The following ODAD3 variants were observed in gnomAD, a reference collection of about 807,000 sequenced individuals.
The protein encoded by ODAD3 is outer dynein arm-docking complex subunit 3.
A neutral mutation model predicts 70.9 loss-of-function variants in ODAD3; 57 were observed. The observed-to-expected ratio is 0.80, with a 90% CI of 0.65 to 1.00. ODAD3 has a LOEUF of 1.00. Ranked by LOEUF, ODAD3 falls within the 50% of genes least tolerant of loss-of-function variation. The probability of loss-of-function intolerance (pLI) is 0.00; values close to 1 mark genes in which losing one functional copy is unlikely to be tolerated. For missense variants in ODAD3, 797 were observed against 763.9 expected, an observed-to-expected ratio of 1.04 and a Z score of -0.51; for synonymous variants, 327 against 315.9, an observed-to-expected ratio of 1.04 and a Z score of -0.37.
intron 7 of ODAD3, among the ~76,000 whole-genome samples, chr19:11,424,517 A>ACC (rs1488709532): frequency 0.013 from 1,827 of 138,470 alleles, 96 homozygotes; most frequent in African/African-American, 0.054. Context: ...ATATATGTAT[A>ACC]TATATGTATA....
chr19:11,430,732 C>A lies in ODAD3; in HGVS notation c.411G>T (p.Trp137Cys). The A allele has an allele frequency of 6.2e-7, 1 of 1,613,994 alleles. No homozygotes were observed. The highest frequency in any genetic ancestry group is 8.5e-7 in the Non-Finnish European group (1 of 1,179,976). ...VVQAVIREWKWEKPYLKNRTG... is the reference protein window; with the variant it reads ...VVQAVIREWKCEKPYLKNRTG... The stretch of plus-strand genomic sequence containing the variant: ...TCCTGTTCTTCAGGTATGGCTTCTC[C>A]CACTTCCATTCGCGAATCACTGCCT... The change falls in exon 3 of 13, where the codon TGG becomes TGT. Residue 137 changes from tryptophan (W) to cysteine (C), a missense_variant. Physicochemically the swap from Trp to Cys is radical, Grantham distance 215. Transcript: ENST00000356392.
upstream of ODAD3, chr19:11,435,713 G>A (rs1463006210): frequency 7.5e-7 from 1 of 1,325,028 alleles, no homozygotes; most frequent in Non-Finnish European, 9.9e-7. Flanking sequence ...TCGTGTAGGT[G>A]TGAACGAGCG....
upstream of ODAD3, chr19:11,435,398 A>G: frequency 2.5e-6 from 1 of 402,206 alleles, no homozygotes; most frequent in Non-Finnish European, 4.5e-6. Context: ...GGCATTTTTC[A>G]GGAACTTTCT....
At position 11,421,174 on chromosome 19, in the gene ODAD3, G is replaced by A. The variant is rs1185719332; in HGVS notation, c.1629C>T (p.Asn543=). The change falls in exon 12 of 13, where the codon AAC becomes AAT. Residue 543 remains asparagine (N), a synonymous_variant. Coordinates refer to ENST00000356392, the MANE Select transcript of ODAD3 (RefSeq NM_145045.5). ...TGGCAAGGGGCAGGGCGATGCGGGT[G>A]TTGTATTCGGGCAGCCTTCCCTCTA... The part of the protein sequence containing the change: ...ASLEGRLPEY[N]TRIALPLATS... The A allele has an allele frequency of 5.6e-6, 9 of 1,613,718 alleles. No homozygotes were observed. Among genetic ancestry groups the A allele is most frequent in the Non-Finnish European group, 6.8e-6 (8 of 1,179,946 alleles).
At position 11,422,708 on chromosome 19, in the gene ODAD3, G is replaced by A. The variant is rs1490091238; in HGVS notation, c.1270C>T (p.Leu424=). Residue 424 remains leucine (L), a synonymous_variant, in exon 9 of 13, where the codon CTG becomes TTG. Coordinates refer to ENST00000356392, the MANE Select transcript of ODAD3 (RefSeq NM_145045.5). This position sits in a 1 kb window ranked among gnomAD's most constrained non-coding sequence, Gnocchi z 4.6. ...AGAGCCCCGGTGCCTCACCTCACCA[G>A]CGTGGCCTCCCCCGAGTACTTGAGG... ...EDLKYSGEAT[L]VSQQKLQAEA... 2 of 1,612,296 alleles carry A rather than the reference G, an allele frequency of 1.2e-6. No individual in the cohort carries two copies. The highest frequency in any genetic ancestry group is 1.7e-6 in the Non-Finnish European group (2 of 1,179,844).
chr19:11,435,334 G>T, upstream of ODAD3: 1 of 614,702 alleles, frequency 1.6e-6, no homozygotes, highest in Non-Finnish European at 2.6e-6. Context: ...GGGGTCACGT[G>T]CTCATTCCGT....
rs1391033910 is a variant in ODAD3, at chr19:11,430,887, T to G, written c.366+12A>C. On this transcript the variant is annotated intron_variant, in intron 2 of 12. Coordinates refer to ENST00000356392, the MANE Select transcript of ODAD3 (RefSeq NM_145045.5). Reference sequence around the variant, plus strand: ...GCCACGGGAACCCTACACCCACCCCTTTGCCCCTTACCTTGAGCAGGTCCA... The same window carrying G: ...GCCACGGGAACCCTACACCCACCCCGTTGCCCCTTACCTTGAGCAGGTCCA... 6.2e-7 allele frequency: 1 copy of G among 1,614,006 alleles called. No homozygotes were observed. Among genetic ancestry groups the G allele is most frequent in the African/African-American group, 1.3e-5 (1 of 75,020 alleles).
chr19:11,425,513 A>ATG (rs2144768013), intron 7 of ODAD3, among the ~76,000 whole-genome samples: 2 of 137,094 alleles, frequency 1.5e-5, no homozygotes, highest in African/African-American at 5.9e-5. Flanking sequence ...ATATGTGTGT[A>ATG]TATATGTATA....
At chr19:11,434,592 G>T in intron 1 of ODAD3, 181 bp downstream of exon 1, 1 of 643,692 alleles carries the variant, frequency 1.6e-6, no homozygotes, top group Non-Finnish European at 2.6e-6. Flanking sequence ...GTACAGTTCA[G>T]TCGGTTCTGA....
chr19:11,428,703 C>T (rs1290672236), intron 3 of ODAD3, among the ~76,000 whole-genome samples: 1 of 152,008 alleles, frequency 6.6e-6, no homozygotes. Context: ...CCTGTGCCAC[C>T]ACATTTGGCA....
rs759657067 is a variant in ODAD3 at position 11,430,940 on chromosome 19, C to G, written c.325G>C (p.Glu109Gln). The G allele has an allele frequency of 1.9e-6, 3 of 1,614,074 alleles. No individual in the cohort carries two copies. Among genetic ancestry groups the G allele is most frequent in the Non-Finnish European group, 2.5e-6 (3 of 1,180,032 alleles). The change falls in exon 2 of 13, where the codon GAG (glutamate) becomes CAG (glutamine). Residue 109 changes from glutamate (E) to glutamine (Q), a missense_variant. Physicochemically the swap from Glu to Gln is conservative, Grantham distance 29. Coordinates refer to ENST00000356392, the MANE Select transcript of ODAD3 (RefSeq NM_145045.5). ...NQETISQLRK[E>Q]TKALELKLLD... The stretch of plus-strand genomic sequence containing the variant: ...AGCTTTAGTTCCAGTGCCTTAGTCT[C>G]CTTGCGGAGCTGACTGATGGTCTCC...
chr19:11,424,997 G>GCA (rs1235585960), intron 7 of ODAD3, among the ~76,000 whole-genome samples: 2 of 124,618 alleles, frequency 1.6e-5, no homozygotes, highest in Non-Finnish European at 3.2e-5. Flanking sequence ...GTACATATGT[G>GCA]TATATGTATA....
At chr19:11,423,096 C>G (rs1475177880) in intron 8 of ODAD3, among the ~76,000 whole-genome samples, 1 of 152,256 alleles carries the variant, frequency 6.6e-6, no homozygotes, top group East Asian at 1.9e-4. Flanking sequence ...GAATTTGAGT[C>G]AGCCCAAACT....
chr19:11,435,489 C>CT (rs1568357628), upstream of ODAD3: 3 of 390,064 alleles, frequency 7.7e-6, no homozygotes, highest in East Asian at 7.2e-5. Context: ...ACTATCCTCT[C>CT]TAAGGTTTCA....
At position 11,426,769 on chromosome 19, in the gene ODAD3, C is replaced by A. The variant is rs762846045; in HGVS notation, c.628G>T (p.Glu210Ter). 1 of 1,614,000 alleles carries A rather than the reference C, an allele frequency of 6.2e-7. No homozygotes were observed. Among genetic ancestry groups the A allele is most frequent in the East Asian group, 2.2e-5 (1 of 44,878 alleles). ...TEVAKTMRNL[E>*]NRLEKAQMKA... ...ATCTGGGCCTTCTCCAGGCGGTTCT[C>A]CAGGTTCCGCATGGTCTGGAGAGCA... The change falls in exon 5 of 13, where the codon GAG becomes TAG. Residue 210 changes from glutamate to a stop codon, truncating the protein, a stop_gained. Transcript: ENST00000356392. LOFTEE classifies it high-confidence loss of function.
At chr19:11,426,347 C>A in intron 6 of ODAD3, 81 bp from the exon 7 acceptor site, 1 of 1,605,540 alleles carries the variant, frequency 6.2e-7, no homozygotes. Flanking sequence ...TAGATGGGGG[C>A]GGGGGCGTAG....
rs2144757756 is a variant in ODAD3, at chr19:11,423,841, G to GA, written c.1116+35_1116+36insT. On this transcript the variant is annotated intron_variant, in intron 8 of 12. Coordinates refer to ENST00000356392, the MANE Select transcript of ODAD3 (RefSeq NM_145045.5). ...CCCTGGGGCCCGTCTGGGGTGGGGG[G>GA]GGGGCGCGGCGGAGAGGGCTGCGGG... The GA allele has an allele frequency of 9.6e-6, 12 of 1,252,910 alleles. No homozygotes were observed. In the East Asian group the frequency reaches 3.3e-4, roughly 34 times the overall value. The allele number at this position is 1,252,910 out of a possible 1,614,324, so 77.6% of individuals were successfully genotyped here.
In ODAD3 at chr19:11,426,473, C is replaced by T. The variant is rs1969377358; in HGVS notation, c.813G>A (p.Glu271=). 5 of 1,613,946 alleles carry T rather than the reference C, an allele frequency of 3.1e-6. No homozygotes were observed. The highest frequency in any genetic ancestry group is 2.2e-5 in the East Asian group (1 of 44,882). Residue 271 remains glutamate (E), a synonymous_variant, in exon 6 of 13, where the codon GAG becomes GAA. Coordinates refer to ENST00000356392, the MANE Select transcript of ODAD3 (RefSeq NM_145045.5). ...TGGCAATGTCCCGGGCATTGAGGGCCTCTTGGTTCACCACGTGCAGTGCCT... is the reference window on the plus strand; with the variant it reads ...TGGCAATGTCCCGGGCATTGAGGGCTTCTTGGTTCACCACGTGCAGTGCCT... The part of the protein sequence containing the change: ...ELEALHVVNQ[E]ALNARDIAKN...
chr19:11,421,297 T>C, intron 11 of ODAD3, 85 bp from the exon 12 acceptor site: 1 of 1,229,054 alleles, frequency 8.1e-7, no homozygotes, highest in South Asian at 1.4e-5. Context: ...CCCTACCCCA[T>C]TCCGAGATAT....
Sources: gnomAD v4.1 joint callset for allele counts (sites outside exome capture counted in the v4.1 genomes callset) on GRCh38, gnomAD v4.1.1 for gene constraint, Gnocchi (gnomAD v3.1) non-coding constraint, MANE v1.5 for transcripts, NCBI Gene and HGNC (gene_info 2026-07-23, HGNC 2026-07-21) for gene names.